The following SOS1 variants were observed in gnomAD, a reference collection of about 807,000 sequenced individuals.
The protein encoded by SOS1 is son of sevenless homolog 1.
In SOS1, 25 loss-of-function variants were observed where a neutral mutation model predicts 157.6. The observed-to-expected ratio is 0.16, with a 90% CI of 0.12 to 0.22. The LOEUF (loss-of-function observed/expected upper bound fraction) is 0.22. Among genes scored for constraint, SOS1 ranks in the 10% least tolerant of loss-of-function variants. SOS1 has a pLI of 1.00. For missense variants in SOS1, 1,237 were observed against 1,599.1 expected, an observed-to-expected ratio of 0.77 and a Z score of 3.86; for synonymous variants, 528 against 534.0, an observed-to-expected ratio of 0.99 and a Z score of 0.16.
At chr2:39,090,354 T>C (rs1291581395) in intron 1 of SOS1, among the ~76,000 whole-genome samples, 2 of 152,154 alleles carry the variant, frequency 1.3e-5, no homozygotes, top group African/African-American at 4.8e-5. Context: ...CTGGTTGACA[T>C]AGTAACATAG....
intron 6 of SOS1, among the ~76,000 whole-genome samples, chr2:39,045,278 G>GTA: frequency 6.7e-6 from 1 of 148,720 alleles, no homozygotes; most frequent in Non-Finnish European, 1.5e-5. Context: ...GAGAGAGTGT[G>GTA]TGTGTGTGTG....
At chr2:39,112,614 C>G (rs1673482221) in intron 1 of SOS1, among the ~76,000 whole-genome samples, 1 of 152,076 alleles carries the variant, frequency 6.6e-6, no homozygotes, top group African/African-American at 2.4e-5. Context: ...CAATTCCTTT[C>G]TAAGGCACTG....
intron 2 of SOS1, among the ~76,000 whole-genome samples, chr2:39,066,255 T>C (rs13407659): frequency 0.076 from 11,503 of 152,248 alleles, 1,574 homozygotes; most frequent in African/African-American, 0.26. Flanking sequence ...ACAATTCCCT[T>C]GCCCTGCTGT....
In SOS1 at chr2:39,015,802, C is replaced by CTTTT. The variant is rs1054843148; in HGVS notation, c.1859-960_1859-957dup. Among the ~76,000 whole-genome samples the CTTTT allele has an allele frequency of 5.3e-3, 467 of 87,394 alleles. 9 individuals are homozygous for CTTTT. The highest frequency in any genetic ancestry group is 0.019 in the African/African-American group (413 of 21,540). The allele number at this position is 87,394 out of a possible 152,430, so 57.3% of individuals were successfully genotyped here. A position where few individuals can be genotyped will look rare whatever the true frequency, so the allele number is the denominator to read the frequency against. On this transcript the variant is annotated intron_variant, in intron 10 of 22. Transcript: ENST00000402219. ...TCAAGGCCCACATTTAATTGTAAATCTTTTTTTTTTTTTTTTTTTTTTTTA... is the reference window on the plus strand; with the variant it reads ...TCAAGGCCCACATTTAATTGTAAATCTTTTTTTTTTTTTTTTTTTTTTTTTTTTA...
At position 39,014,748 on chromosome 2, in the gene SOS1, T is replaced by G; in HGVS notation, c.1940+17A>C. ...AACAAAAAATAATGAATTTAAATAT[T>G]TTTTAAATGGACAGACCTTTCTATT... On this transcript the variant is annotated intron_variant, in intron 11 of 22. Coordinates refer to ENST00000402219, the MANE Select transcript of SOS1 (RefSeq NM_005633.4). 7.4e-7 allele frequency: 1 copy of G among 1,346,348 alleles called. No homozygotes were observed. Among genetic ancestry groups the G allele is most frequent in the Non-Finnish European group, 1.1e-6 (1 of 946,124 alleles). 83.4% of individuals were successfully genotyped at this position (1,346,348 alleles called of 1,614,324 possible).
intron 1 of SOS1, among the ~76,000 whole-genome samples, chr2:39,110,039 CGTGT>C (rs779110307): frequency 0.012 from 1,569 of 135,502 alleles, 15 homozygotes; most frequent in African/African-American, 0.03. Flanking sequence ...TGTGTGTGTG[CGTGT>C]GTGTGTGTGT....
chr2:39,058,627 T>C (rs1401565849), intron 3 of SOS1, 46 bp downstream of exon 3: 22 of 1,597,432 alleles, frequency 1.4e-5, no homozygotes, highest in Non-Finnish European at 1.9e-5. Context: ...AAATGGTGGG[T>C]TTTATTTTTC....
chr2:39,102,701 T>C (rs1673017566), intron 1 of SOS1, among the ~76,000 whole-genome samples: 2 of 152,018 alleles, frequency 1.3e-5, no homozygotes, highest in African/African-American at 2.4e-5. Flanking sequence ...TCCCAGCACT[T>C]TGGGAGGCTG....
At position 38,995,237 on chromosome 2, in the gene SOS1, A is replaced by C; in HGVS notation, c.3232T>G (p.Ser1078Ala). 1 of 1,614,078 alleles carries C rather than the reference A, an allele frequency of 6.2e-7. No homozygotes were observed. Among genetic ancestry groups the C allele is most frequent in the Non-Finnish European group, 8.5e-7 (1 of 1,179,972 alleles). ...GGTGTTCTTGGAGAATTTGGTGCAG[A>C]TGCTGTACTTTCTGTTTCACTTTCA... ...IPESETESTA[S>A]APNSPRTPLT... Residue 1078 changes from serine (S) to alanine (A), a missense_variant, in exon 20 of 23, where the codon TCT becomes GCT. Physicochemically the swap from Ser to Ala is moderately conservative, Grantham distance 99. This residue lies in a region of SOS1 where 306 missense variants were observed against 322.6 expected (regional missense o/e 0.95). Coordinates refer to ENST00000402219, the MANE Select transcript of SOS1 (RefSeq NM_005633.4).
chr2:39,062,422 TA>T (rs147051518), intron 2 of SOS1, among the ~76,000 whole-genome samples: 3 of 118,764 alleles, frequency 2.5e-5, no homozygotes, highest in African/African-American at 7.2e-5. Flanking sequence ...TGTCTCAAAA[TA>T]AAAAAAAAAA....
At chr2:39,058,928 T>C (rs1671307461) in intron 2 of SOS1, 124 bp from the exon 3 acceptor site, 1 of 733,236 alleles carries the variant, frequency 1.4e-6, no homozygotes, top group African/African-American at 1.8e-5. Context: ...ATAATTTACA[T>C]TACAAACATA....
At chr2:39,021,116 T>C (rs1351593520) in intron 10 of SOS1, among the ~76,000 whole-genome samples, 2 of 151,604 alleles carry the variant, frequency 1.3e-5, no homozygotes, top group East Asian at 1.9e-4. Context: ...AAGCTAAAAA[T>C]TGATATAGAA....
At chr2:38,991,791 T>C (rs1354997774) in intron 20 of SOS1, among the ~76,000 whole-genome samples, 1 of 152,234 alleles carries the variant, frequency 6.6e-6, no homozygotes, top group Non-Finnish European at 1.5e-5. Context: ...TGATTATTTT[T>C]AATCTCTCAG....
chr2:39,045,768 G>A (rs1056540271), intron 6 of SOS1, among the ~76,000 whole-genome samples: 5 of 152,158 alleles, frequency 3.3e-5, no homozygotes, highest in African/African-American at 1.2e-4. Flanking sequence ...GGAGTGCAGT[G>A]GCATGATCTA....
chr2:39,022,436 G>T, intron 10 of SOS1, 134 bp downstream of exon 10: 1 of 690,800 alleles, frequency 1.4e-6, no homozygotes, highest in Non-Finnish European at 2.6e-6. Context: ...TATAAAGTGG[G>T]GTATTTTTAG....
At position 38,986,324 on chromosome 2, in the gene SOS1, TGAAAA is replaced by T. The variant is rs760713912; in HGVS notation, c.3511-14_3511-10del. 25 of 1,608,450 alleles carry T rather than the reference TGAAAA, an allele frequency of 1.6e-5. No homozygotes were observed. The highest frequency in any genetic ancestry group is 2.0e-5 in the Non-Finnish European group (24 of 1,176,522). On this transcript the variant is annotated splice_polypyrimidine_tract_variant and intron_variant, in intron 22 of 22. Transcript: ENST00000402219. Reference sequence around the variant, plus strand: ...AAATGCTTAGACATAATCTAACAAATGAAAAGAATAAAATACACATTTATTAATAA... The same window carrying T: ...AAATGCTTAGACATAATCTAACAAATGAATAAAATACACATTTATTAATAA...
At chr2:39,093,289 T>C (rs928424359) in intron 1 of SOS1, among the ~76,000 whole-genome samples, 1 of 152,212 alleles carries the variant, frequency 6.6e-6, no homozygotes, top group Non-Finnish European at 1.5e-5. Flanking sequence ...ATGTGGTTAG[T>C]TCTTAGTAAA....
intron 20 of SOS1, among the ~76,000 whole-genome samples, chr2:38,990,985 C>T (rs1668714860): frequency 6.6e-6 from 1 of 152,014 alleles, no homozygotes; most frequent in Non-Finnish European, 1.5e-5. Context: ...ATTTATTAAG[C>T]ATAATCCCAG....
chr2:38,993,694 A>C (rs1394536053), intron 20 of SOS1: 1 of 152,204 alleles, frequency 6.6e-6, no homozygotes, highest in African/African-American at 2.4e-5. Flanking sequence ...TCAGAAAGCT[A>C]ATTAGCAGAC....
Sources: gnomAD v4.1 joint callset for allele counts (sites outside exome capture counted in the v4.1 genomes callset) on GRCh38, gnomAD v4.1.1 for gene constraint, gnomAD v4.1.1 regional missense constraint, MANE v1.5 for transcripts, NCBI Gene and HGNC (gene_info 2026-07-23, HGNC 2026-07-21) for gene names.